CROCC: variants seen among roughly 807,000 people sequenced by gnomAD.
CROCC encodes ciliary rootlet coiled-coil, rootletin, also known as rootletin.
CROCC carries 180 observed loss-of-function variants against 245.2 expected under a neutral mutation model. The observed-to-expected ratio is 0.73, with a 90% CI of 0.65 to 0.83. The LOEUF is 0.83. CROCC is among the 40% of genes least tolerant of loss of function. The pLI is 0.00. For missense variants in CROCC, 2,688 were observed against 2,779.4 expected (o/e 0.97, Z 0.74); for synonymous variants, 1,205 against 1,241.6 (o/e 0.97, Z 0.62).
rs375896644 is a variant in CROCC, at chr1:16,947,846, GT to G, written c.2515-476del. On this transcript the variant is annotated intron_variant, in intron 17 of 36. Coordinates refer to ENST00000375541, the MANE Select transcript of CROCC (RefSeq NM_014675.5). ...TTCATTTTGTTTTGTTTTTGTTGTT[GT>G]TTTTTTTTCCAGACAGAGTCTTGCT... Among the ~76,000 whole-genome samples the G allele has an allele frequency of 3.7e-4, 56 of 151,934 alleles. No homozygotes were observed. In the East Asian group the frequency reaches 7.0e-3, roughly 19 times the overall value.
Position 16,961,115 on chromosome 1 carries a change from G to A in CROCC, c.4390G>A (p.Asp1464Asn). The A allele has an allele frequency of 7.4e-7, 1 of 1,355,044 alleles. No homozygotes were observed. Among genetic ancestry groups the A allele is most frequent in the Non-Finnish European group, 9.4e-7 (1 of 1,058,696 alleles). 83.9% of individuals were successfully genotyped at this position (1,355,044 alleles called of 1,614,324 possible). ...GCCAGTGCCCGGTTCCCCTGCCCGG[G>A]ACGCACCCGCAGAAGGTAAGGGCAG... ...PRPVPGSPAR[D>N]APAEGSGEGL... The change falls in exon 27 of 37, where the codon GAC becomes AAC. Residue 1464 changes from aspartate to asparagine, a missense_variant. Coordinates refer to ENST00000375541, the MANE Select transcript of CROCC (RefSeq NM_014675.5).
rs1288973207 is a variant in CROCC at position 16,961,001 on chromosome 1, C to T, written c.4276C>T (p.Arg1426Trp). The T allele has an allele frequency of 3.8e-6, 5 of 1,307,054 alleles. No individual in the cohort carries two copies. Among genetic ancestry groups the T allele is most frequent in the African/African-American group, 1.5e-5 (1 of 64,654 alleles). The allele number at this position is 1,307,054 out of a possible 1,614,324, so 81.0% of individuals were successfully genotyped here. The change falls in exon 27 of 37, where the codon CGG (arginine) becomes TGG (tryptophan). Residue 1426 changes from arginine to tryptophan, a missense_variant. Coordinates refer to ENST00000375541, the MANE Select transcript of CROCC (RefSeq NM_014675.5). ...CGAGCTGGCCCGCGTGGAGGTGCAG[C>T]GGCGCGCGGCGGAGGCCCAGCTGGG... ...EAELARVEVQ[R>W]RAAEAQLGGL...
intron 2 of CROCC, among the ~76,000 whole-genome samples, chr1:16,923,790 G>A (rs1012655902): frequency 2.7e-5 from 4 of 146,514 alleles, no homozygotes; most frequent in Non-Finnish European, 5.9e-5. Context: ...AAGTGATTCT[G>A]CTGTCTCAGC....
Position 16,954,837 on chromosome 1 carries a change from C to T in CROCC, c.3425C>T (p.Ala1142Val), listed in dbSNP as rs781548750. Residue 1142 changes from alanine to valine, a missense_variant, in exon 23 of 37, where the codon GCC becomes GTC. Around this residue, in one of 9 missense-constraint regions of CROCC, gnomAD observed 1,218 missense variants for 1,286.3 expected, o/e 0.95. Transcript: ENST00000375541. This position sits in a 1 kb window ranked among gnomAD's most constrained non-coding sequence, Gnocchi z 4.4. ...AQEVRRLQEQARDLGKQRDSC... is the reference protein window; with the variant it reads ...AQEVRRLQEQVRDLGKQRDSC... Reference sequence around the variant, plus strand: ...GAGGTGAGGAGGCTGCAAGAGCAGGCCCGAGACCTGGGCAAGCAGCGGGAC... The same window carrying T: ...GAGGTGAGGAGGCTGCAAGAGCAGGTCCGAGACCTGGGCAAGCAGCGGGAC... 4 of 1,546,312 alleles carry T rather than the reference C, an allele frequency of 2.6e-6. No individual in the cohort carries two copies. Among genetic ancestry groups the T allele is most frequent in the Non-Finnish European group, 3.5e-6 (4 of 1,143,188 alleles).
intron 27 of CROCC, 32 bp downstream of exon 27, chr1:16,961,162 G>A (rs938937832): frequency 2.2e-5 from 29 of 1,291,678 alleles, no homozygotes; most frequent in Non-Finnish European, 2.5e-5. Context: ...GGGAAGGGGG[G>A]AGGTGGGCGG....
At position 16,955,440 on chromosome 1, in the gene CROCC, A is replaced by C; in HGVS notation, c.3594A>C (p.Ala1198=). Residue 1198 remains alanine, a synonymous_variant, in exon 24 of 37, where the codon GCA becomes GCC. Coordinates refer to ENST00000375541, the MANE Select transcript of CROCC (RefSeq NM_014675.5). ...QEGREVQRQE[A]GELRRSLGEG... Reference sequence around the variant, plus strand: ...GCCGGGAGGTGCAGCGCCAGGAGGCAGGCGAGCTGCGACGCAGCCTGGGCG... The same window carrying C: ...GCCGGGAGGTGCAGCGCCAGGAGGCCGGCGAGCTGCGACGCAGCCTGGGCG... 6.3e-7 allele frequency: 1 copy of C among 1,598,092 alleles called. No individual in the cohort carries two copies. The highest frequency in any genetic ancestry group is 8.5e-7 in the Non-Finnish European group (1 of 1,175,408).
At chr1:16,924,507 G>A (rs370007454) in intron 3 of CROCC, 28 bp downstream of exon 3, 246 of 1,603,388 alleles carry the variant, frequency 1.5e-4, no homozygotes, top group Admixed American at 2.7e-4. Context: ...GGTGGACTAG[G>A]CCAGGGTTCC....
chr1:16,934,832 T>G (rs1320129436), intron 8 of CROCC, among the ~76,000 whole-genome samples: 180 of 148,964 alleles, frequency 1.2e-3, no homozygotes, highest in African/African-American at 3.2e-3. Context: ...CTTTTTTGCT[T>G]CTTCTTCTTC....
intron 13 of CROCC, among the ~76,000 whole-genome samples, chr1:16,941,625 G>A (rs553110753): frequency 2.8e-4 from 43 of 152,208 alleles, no homozygotes; most frequent in Admixed American, 1.2e-3. Context: ...CCAGCTACTT[G>A]GAAGACTGAG....
intron 1 of CROCC, 128 bp from the exon 2 acceptor site, chr1:16,922,535 G>A: frequency 7.4e-7 from 1 of 1,343,056 alleles, no homozygotes; most frequent in Non-Finnish European, 1.0e-6. Flanking sequence ...TAACTCCCAG[G>A]CTTCACTCCA....
intron 11 of CROCC, 27 bp downstream of exon 11, chr1:16,938,510 A>G (rs1410095756): frequency 3.2e-6 from 5 of 1,543,184 alleles, no homozygotes; most frequent in Non-Finnish European, 3.5e-6. Context: ...GCGGGAAGAC[A>G]GCGCCCTGCC....
rs1249043016 is a variant in CROCC, at chr1:16,936,845, G to A, written c.1165G>A (p.Asp389Asn). 11 of 1,612,238 alleles carry A rather than the reference G, an allele frequency of 6.8e-6. No homozygotes were observed. The highest frequency in any genetic ancestry group is 2.2e-5 in the East Asian group (1 of 44,888). ...CCTGGCGCAGCAGCAGATGCAAAGC[G>A]ACCTGGACAAGGCTGACCTCAGTGC... ...KDLAQQQMQSDLDKADLSARV... is the reference protein window; with the variant it reads ...KDLAQQQMQSNLDKADLSARV... The change falls in exon 9 of 37, where the codon GAC becomes AAC. Residue 389 changes from aspartate (D) to asparagine (N), a missense_variant. Coordinates refer to ENST00000375541, the MANE Select transcript of CROCC (RefSeq NM_014675.5).
chr1:16,929,231 G>T (rs1369367263), intron 3 of CROCC, among the ~76,000 whole-genome samples: 1 of 152,292 alleles, frequency 6.6e-6, no homozygotes, highest in Non-Finnish European at 1.5e-5. Context: ...TGTCCTCCGG[G>T]AATGTTTGAG....
intron 27 of CROCC, among the ~76,000 whole-genome samples, chr1:16,964,137 AT>A (rs59284131): frequency 0.014 from 1,635 of 119,364 alleles, 10 homozygotes; most frequent in African/African-American, 0.016. Flanking sequence ...TTTTTTCTTT[AT>A]TTTTTTTTTT....
chr1:16,966,397 G>T lies in CROCC; in HGVS notation c.4697-11G>T. On this transcript the variant is annotated splice_polypyrimidine_tract_variant and intron_variant, in intron 29 of 36. Coordinates refer to ENST00000375541, the MANE Select transcript of CROCC (RefSeq NM_014675.5). This position sits in a 1 kb window ranked among gnomAD's most constrained non-coding sequence, Gnocchi z 4.8. ...CTTGGCCATGCCTGACGGGGTGGGTGGTGGCTACAGCCCGGCGCAGTGTGG... is the reference window on the plus strand; with the variant it reads ...CTTGGCCATGCCTGACGGGGTGGGTTGTGGCTACAGCCCGGCGCAGTGTGG... 2 of 1,513,226 alleles carry T rather than the reference G, an allele frequency of 1.3e-6. No homozygotes were observed. The highest frequency in any genetic ancestry group is 2.4e-4 in the Middle Eastern group (1 of 4,212). The allele number at this position is 1,513,226 out of a possible 1,614,324, so 93.7% of individuals were successfully genotyped here.
chr1:16,947,166 C>G (rs1230486062), intron 17 of CROCC, among the ~76,000 whole-genome samples, 175 bp downstream of exon 17: 1 of 152,288 alleles, frequency 6.6e-6, no homozygotes, highest in Non-Finnish European at 1.5e-5. Context: ...TCTCCCATAC[C>G]TCAGTTGCCC....
intron 20 of CROCC, 185 bp downstream of exon 20, chr1:16,951,307 TC>T (rs2076155934): frequency 4.1e-6 from 2 of 491,570 alleles, no homozygotes; most frequent in East Asian, 7.1e-5. Context: ...GATTCCCAGG[TC>T]CCAAATCTGG....
At chr1:16,948,076 T>G (rs1032224599) in intron 17 of CROCC, among the ~76,000 whole-genome samples, 2 of 152,282 alleles carry the variant, frequency 1.3e-5, no homozygotes, top group Non-Finnish European at 2.9e-5. Context: ...TGACCTCAAG[T>G]GATCCACCTG....
In CROCC at chr1:16,929,913, A is replaced by AGAGC; in HGVS notation, c.421_424dup (p.Val142GlufsTer115). On this transcript the variant is annotated frameshift_variant, in exon 4 of 37. Coordinates refer to ENST00000375541, the MANE Select transcript of CROCC (RefSeq NM_014675.5). LOFTEE classifies it high-confidence loss of function. ...CAGGAGCCCAGGGGGCTGGTACGGCAGAGCGTGGAGTTGCGGAGGCAGCTG... is the reference window on the plus strand; with the variant it reads ...CAGGAGCCCAGGGGGCTGGTACGGCAGAGCGAGCGTGGAGTTGCGGAGGCAGCTG... The AGAGC allele has an allele frequency of 6.3e-7, 1 of 1,589,196 alleles. No individual in the cohort carries two copies. Among genetic ancestry groups the AGAGC allele is most frequent in the South Asian group, 1.1e-5 (1 of 87,404 alleles).
Sources: allele counts gnomAD v4.1 joint callset (sites outside exome capture counted in the v4.1 genomes callset), GRCh38; gene constraint gnomAD v4.1.1; regional missense constraint gnomAD v4.1.1; non-coding constraint Gnocchi (gnomAD v3.1); transcripts MANE v1.5; gene names NCBI Gene and HGNC (gene_info 2026-07-23, HGNC 2026-07-21).